Variants in PPP1R12B observed in about 807,000 individuals in gnomAD.
PPP1R12B encodes the protein protein phosphatase 1 regulatory subunit 12B, also known as myosin phosphatase target subunit 2.
A neutral mutation model predicts 126.1 loss-of-function variants in PPP1R12B; 76 were observed. The observed-to-expected ratio is 0.60, with a 90% CI of 0.50 to 0.73. PPP1R12B has a LOEUF of 0.73. Among genes scored for constraint, PPP1R12B ranks in the 30% least tolerant of loss-of-function variants. PPP1R12B has a pLI of 0.00. For synonymous variants in PPP1R12B, 356 were observed against 434.7 expected, an observed-to-expected ratio of 0.82 and a Z score of 2.25; for missense variants, 1,052 against 1,205.1, an observed-to-expected ratio of 0.87 and a Z score of 1.88.
At chr1:202,410,804 A>C (rs1286343276) in intron 1 of PPP1R12B, among the ~76,000 whole-genome samples, 1 of 152,180 alleles carries the variant, frequency 6.6e-6, no homozygotes, top group Non-Finnish European at 1.5e-5. Context: ...ACTAGTAATT[A>C]AGTTATATCT....
chr1:202,410,507 G>A (rs1415656328), intron 1 of PPP1R12B, among the ~76,000 whole-genome samples: 2 of 152,226 alleles, frequency 1.3e-5, no homozygotes, highest in Non-Finnish European at 2.9e-5. Context: ...GCACTTGCTG[G>A]TGGCAACAGT....
Position 202,407,598 on chromosome 1 carries a change from G to A in PPP1R12B, c.292-9189G>A, listed in dbSNP as rs370914093. On this transcript the variant is annotated intron_variant, in intron 1 of 23. Transcript: ENST00000608999. ...TCACACAGGGCAGACAGTTGCTGGT[G>A]TCACCTGTCATGTTGGAGCAGACTG... is the stretch of plus-strand genomic sequence containing the variant. Among the ~76,000 whole-genome samples the A allele has an allele frequency of 4.6e-5, 7 of 152,174 alleles. No homozygotes were observed. The East Asian group carries it at 5.8e-4, about 13-fold the overall frequency.
At chr1:202,437,795 A>G in intron 9 of PPP1R12B, 26 bp from the exon 10 acceptor site, 2 of 1,564,630 alleles carry the variant, frequency 1.3e-6, no homozygotes, top group Non-Finnish European at 1.7e-6. Flanking sequence ...TTTATTTTTC[A>G]TTTCTTTTAT....
At chr1:202,465,481 G>T (rs1186666337) in intron 13 of PPP1R12B, among the ~76,000 whole-genome samples, 1 of 152,100 alleles carries the variant, frequency 6.6e-6, no homozygotes, top group Non-Finnish European at 1.5e-5. Flanking sequence ...GGGAAATAGG[G>T]TTTTTTTGTT....
rs16849995 is a variant in PPP1R12B at position 202,440,812 on chromosome 1, A to G, written c.1541+24A>G. The G allele has an allele frequency of 0.014, 21,782 of 1,581,502 alleles. 729 individuals carry two copies. Among genetic ancestry groups the G allele is most frequent in the African/African-American group, 0.13 (9,664 of 74,268 alleles). On this transcript the variant is annotated intron_variant, in intron 11 of 23. Transcript: ENST00000608999. ...AGGTAATCCTAAAACCAGCCAAAAGATGGTCCTCATCCTCTTAGGTCTACT... is the reference window on the plus strand; with the variant it reads ...AGGTAATCCTAAAACCAGCCAAAAGGTGGTCCTCATCCTCTTAGGTCTACT...
chr1:202,413,801 A>G (rs1482313598), intron 1 of PPP1R12B, among the ~76,000 whole-genome samples: 1 of 152,130 alleles, frequency 6.6e-6, no homozygotes, highest in African/African-American at 2.4e-5. Context: ...TATTTTGATG[A>G]AAGTATATAA....
At chr1:202,438,456 G>A (rs1171440161) in intron 10 of PPP1R12B, 8 of 430,044 alleles carry the variant, frequency 1.9e-5, no homozygotes, top group East Asian at 5.8e-5. Flanking sequence ...GGGTCCCACC[G>A]CTTGAGGACT....
intron 15 of PPP1R12B, 83 bp from the exon 16 acceptor site, chr1:202,495,210 A>C: frequency 7.5e-7 from 1 of 1,328,244 alleles, no homozygotes; most frequent in East Asian, 2.4e-5. Flanking sequence ...TTAATATAGA[A>C]AAAAACATTT....
At chr1:202,544,291 T>A (rs1039097009) in intron 18 of PPP1R12B, among the ~76,000 whole-genome samples, 1 of 152,194 alleles carries the variant, frequency 6.6e-6, no homozygotes, top group African/African-American at 2.4e-5. Context: ...AGCTCTTGAT[T>A]TTTAATTACT....
intron 2 of PPP1R12B, among the ~76,000 whole-genome samples, chr1:202,422,350 T>G (rs1271269833): frequency 6.6e-6 from 1 of 152,252 alleles, no homozygotes; most frequent in Admixed American, 6.5e-5. Flanking sequence ...GAAATTCTCT[T>G]GCCATCCACT....
intron 1 of PPP1R12B, among the ~76,000 whole-genome samples, chr1:202,366,854 A>G (rs1659327684): frequency 6.6e-6 from 1 of 152,212 alleles, no homozygotes; most frequent in Admixed American, 6.5e-5. Context: ...ATAAAAATAT[A>G]GACTAAAATG....
At chr1:202,360,884 CA>C in intron 1 of PPP1R12B, among the ~76,000 whole-genome samples, 1 of 131,394 alleles carries the variant, frequency 7.6e-6, no homozygotes, top group East Asian at 2.3e-4. Flanking sequence ...ATATCTTTAC[CA>C]TTAGCTCTTT....
intron 10 of PPP1R12B, chr1:202,438,930 C>G: frequency 1.3e-6 from 2 of 1,528,778 alleles, no homozygotes; most frequent in Non-Finnish European, 1.8e-6. Flanking sequence ...GAGGTGACCC[C>G]GAAGACGGCC....
intron 23 of PPP1R12B, among the ~76,000 whole-genome samples, chr1:202,571,966 C>T (rs1186898417): frequency 6.6e-6 from 1 of 152,178 alleles, no homozygotes; most frequent in Non-Finnish European, 1.5e-5. Flanking sequence ...CCTCTGCATT[C>T]TCACCAGTTT....
rs1156271836 is a variant in PPP1R12B at position 202,582,387 on chromosome 1, A to C, written c.*1827A>C. 1 of 152,606 alleles carries C rather than the reference A, an allele frequency of 6.6e-6. No homozygotes were observed. The highest frequency in any genetic ancestry group is 2.4e-5 in the African/African-American group (1 of 41,442). The allele number at this position is 152,606 out of a possible 1,614,324, so 9.5% of individuals were successfully genotyped here. On this transcript the variant is annotated 3_prime_UTR_variant, in exon 24 of 24. Coordinates refer to ENST00000608999, the MANE Select transcript of PPP1R12B (RefSeq NM_002481.4). ...ACTTACAGTATTTTCTTTTTGTAGG[A>C]GTTTTATCCCTTGGTTCACTTGAGT...
At chr1:202,496,959 A>T in intron 18 of PPP1R12B, 137 bp downstream of exon 18, 1 of 815,304 alleles carries the variant, frequency 1.2e-6, no homozygotes, top group East Asian at 2.6e-5. Flanking sequence ...CCTCTAAGAG[A>T]TGGGGCAGGT....
At chr1:202,504,034 T>C (rs1572311842) in intron 18 of PPP1R12B, among the ~76,000 whole-genome samples, 1 of 152,264 alleles carries the variant, frequency 6.6e-6, no homozygotes, top group African/African-American at 2.4e-5. Context: ...TACCTCTTGG[T>C]CTCCTTTGCC....
intron 18 of PPP1R12B, among the ~76,000 whole-genome samples, chr1:202,529,793 G>A (rs770312934): frequency 6.6e-6 from 1 of 152,032 alleles, no homozygotes; most frequent in Non-Finnish European, 1.5e-5. Context: ...AGAACTAAAT[G>A]GATTTATTTA....
At chr1:202,550,131 T>G (rs2148983643) in intron 18 of PPP1R12B, among the ~76,000 whole-genome samples, 1 of 152,354 alleles carries the variant, frequency 6.6e-6, no homozygotes, top group East Asian at 1.9e-4. Flanking sequence ...TGGAATCTAC[T>G]AGAAATAAAA....
Sources: allele counts gnomAD v4.1 joint callset (sites outside exome capture counted in the v4.1 genomes callset), GRCh38; gene constraint gnomAD v4.1.1; transcripts MANE v1.5; gene names NCBI Gene and HGNC (gene_info 2026-07-23, HGNC 2026-07-21).